TUT1: variants seen among roughly 807,000 people sequenced by gnomAD.
TUT1 encodes speckle targeted PIP5K1A-regulated poly(A) polymerase.
In TUT1, 26 loss-of-function variants were observed where a neutral mutation model predicts 48.8. The observed-to-expected ratio is 0.53, with a 90% CI of 0.39 to 0.74. The LOEUF (loss-of-function observed/expected upper bound fraction) is 0.74, where lower values mean the gene tolerates loss of function less well. Among genes scored for constraint, TUT1 ranks in the 30% least tolerant of loss-of-function variants. TUT1 has a pLI of 0.00. For missense variants in TUT1, 1,065 were observed against 1,114.8 expected, an observed-to-expected ratio of 0.96 and a Z score of 0.64; for synonymous variants, 470 against 460.8, an observed-to-expected ratio of 1.02 and a Z score of -0.26.
At chr11:62,586,149 T>C (rs918043670) in intron 2 of TUT1, among the ~76,000 whole-genome samples, 3 of 152,218 alleles carry the variant, frequency 2.0e-5, no homozygotes, top group African/African-American at 7.2e-5. Flanking sequence ...ATAAGGAGCC[T>C]GTGTCCTTGC....
At chr11:62,580,831 A>G (rs1941812839) in intron 4 of TUT1, among the ~76,000 whole-genome samples, 1 of 151,496 alleles carries the variant, frequency 6.6e-6, no homozygotes, top group African/African-American at 2.4e-5. Context: ...GCTGGTCTTG[A>G]ACTCCTGACC....
chr11:62,578,797 A>G lies in TUT1; in HGVS notation c.924T>C (p.Ala308=), dbSNP rs368651575. Residue 308 remains alanine (A), a synonymous_variant, in exon 5 of 9, where the codon GCT becomes GCC. Transcript: ENST00000476907. Reference sequence around the variant, plus strand: ...CTTCCCTGTCCTCTAGCAGTGGTGAAGCTGGAGGCAGAGACTGGGGAGAAG... The same window carrying G: ...CTTCCCTGTCCTCTAGCAGTGGTGAGGCTGGAGGCAGAGACTGGGGAGAAG... ...TLASPQSLPP[A]SPLLEDREEG... The G allele has an allele frequency of 5.6e-6, 9 of 1,613,894 alleles. No homozygotes were observed. The African/African-American group carries it at 1.1e-4, about 19-fold the overall frequency.
intron 4 of TUT1, among the ~76,000 whole-genome samples, chr11:62,579,970 T>G (rs1375801532): frequency 6.6e-6 from 1 of 151,148 alleles, no homozygotes; most frequent in Non-Finnish European, 1.5e-5. Flanking sequence ...CCCGGCCAAG[T>G]CTATTTTTTG....
At chr11:62,584,472 C>G (rs1248076914) in intron 2 of TUT1, among the ~76,000 whole-genome samples, 18 of 132,084 alleles carry the variant, frequency 1.4e-4, no homozygotes, top group African/African-American at 5.1e-4. Flanking sequence ...GATGGAGTTT[C>G]GTTCTGTCAC....
chr11:62,577,550 ACTC>A (rs1373323842), intron 5 of TUT1, among the ~76,000 whole-genome samples: 2 of 148,718 alleles, frequency 1.3e-5, no homozygotes, highest in African/African-American at 2.5e-5. Flanking sequence ...ACACCACTGC[ACTC>A]CAGCCTGGGT....
intron 5 of TUT1, among the ~76,000 whole-genome samples, chr11:62,577,986 G>A (rs1233201772): frequency 6.7e-6 from 1 of 150,308 alleles, no homozygotes; most frequent in Non-Finnish European, 1.5e-5. Flanking sequence ...GCTTGAACCT[G>A]GGAGGCAGAG....
intron 2 of TUT1, among the ~76,000 whole-genome samples, chr11:62,587,927 T>G (rs1003847041): frequency 7.9e-5 from 12 of 152,332 alleles, no homozygotes; most frequent in South Asian, 2.1e-4. Flanking sequence ...GGACAGGGTG[T>G]TCTAACCAAA....
At chr11:62,584,915 G>A (rs894362271) in intron 2 of TUT1, among the ~76,000 whole-genome samples, 7 of 151,702 alleles carry the variant, frequency 4.6e-5, no homozygotes, top group Non-Finnish European at 7.4e-5. Context: ...TCCGCCTCTC[G>A]GGTTCAAGCA....
At chr11:62,588,449 G>T (rs1941954146) in intron 2 of TUT1, among the ~76,000 whole-genome samples, 1 of 152,148 alleles carries the variant, frequency 6.6e-6, no homozygotes, top group South Asian at 2.1e-4. Context: ...AGTTGCTTGG[G>T]TGGCTAAGGT....
chr11:62,590,344 T>A (rs1047505633), intron 1 of TUT1, among the ~76,000 whole-genome samples: 1 of 152,136 alleles, frequency 6.6e-6, no homozygotes, highest in Non-Finnish European at 1.5e-5. Flanking sequence ...AACTAAAAAA[T>A]TTGCCAAGTA....
In TUT1 at chr11:62,578,694, G is replaced by A; in HGVS notation, c.1027C>T (p.Leu343=). Residue 343 remains leucine, a synonymous_variant, in exon 5 of 9, where the codon CTG becomes TTG. Coordinates refer to ENST00000476907, the MANE Select transcript of TUT1 (RefSeq NM_022830.3). ...EKAEGAAMLE[L]VGSILRGCVP... is the part of the protein sequence containing the mutation. ...CAGCCCCGGAGAATGGATCCCACCAGCTCCAGCATTGCTGCCCCCTCTGCT... is the reference window on the plus strand; with the variant it reads ...CAGCCCCGGAGAATGGATCCCACCAACTCCAGCATTGCTGCCCCCTCTGCT... 6.2e-7 allele frequency: 1 copy of A among 1,614,240 alleles called. No individual in the cohort carries two copies. Among genetic ancestry groups the A allele is most frequent in the Non-Finnish European group, 8.5e-7 (1 of 1,180,054 alleles).
chr11:62,583,714 A>AGGTTCC (rs1371635211), intron 2 of TUT1, among the ~76,000 whole-genome samples: 7 of 152,242 alleles, frequency 4.6e-5, no homozygotes, highest in African/African-American at 1.7e-4. Flanking sequence ...GTTTATAAAA[A>AGGTTCC]GGTTCCTGCT....
At chr11:62,577,104 G>T (rs1941741934) in intron 6 of TUT1, 78 bp downstream of exon 6, 14 of 1,585,948 alleles carry the variant, frequency 8.8e-6, no homozygotes, top group Non-Finnish European at 1.1e-5. Flanking sequence ...TGCCCATTCT[G>T]ACCTCCCTTC....
chr11:62,585,928 C>A (rs1470292189), intron 2 of TUT1, among the ~76,000 whole-genome samples: 1 of 152,100 alleles, frequency 6.6e-6, no homozygotes, highest in African/African-American at 2.4e-5. Context: ...CATGGAGAAA[C>A]CCCATCTCTA....
In TUT1 at chr11:62,581,437, G is replaced by A. The variant is rs761959995; in HGVS notation, c.538C>T (p.Arg180Cys). Residue 180 changes from arginine (R) to cysteine (C), a missense_variant, in exon 3 of 9, where the codon CGC (arginine) becomes TGC (cysteine). Physicochemically the swap from Arg to Cys is radical, Grantham distance 180 (BLOSUM62 -3). Transcript: ENST00000476907. ...TGCATCAGGGCCACCACTAGGCTGC[G>A]AAGCTGCCGCTCGGCCTCGGACAAC... ...RELSEAERQL[R>C]SLVVALMQEV... 1.3e-5 allele frequency: 21 copies of A among 1,613,012 alleles called. No individual in the cohort carries two copies. Among genetic ancestry groups the A allele is most frequent in the South Asian group, 1.2e-4 (11 of 91,014 alleles).
chr11:62,581,008 A>G, intron 4 of TUT1, 98 bp downstream of exon 4: 1 of 858,706 alleles, frequency 1.2e-6, no homozygotes, highest in Non-Finnish European at 1.9e-6. Flanking sequence ...TGCATTGTAG[A>G]TGAGGAACTA....
chr11:62,575,151 A>T lies in TUT1; in HGVS notation c.2568T>A (p.Pro856=), dbSNP rs1941698147. The T allele has an allele frequency of 1.3e-6, 2 of 1,597,632 alleles. No individual in the cohort carries two copies. The highest frequency in any genetic ancestry group is 4.5e-5 in the East Asian group (2 of 44,544). The part of the protein sequence containing the change: ...TPLQDPQGLF[P]DLHHFLQVFL... ...AAACCTGTAAGAAATGATGGAGATCAGGGAACAGGCCTTGGGGATCCTGGA... is the reference window on the plus strand; with the variant it reads ...AAACCTGTAAGAAATGATGGAGATCTGGGAACAGGCCTTGGGGATCCTGGA... Residue 856 remains proline (P), a synonymous_variant, in exon 9 of 9, where the codon CCT becomes CCA. Coordinates refer to ENST00000476907, the MANE Select transcript of TUT1 (RefSeq NM_022830.3).
At chr11:62,585,553 TG>T (rs1941898007) in intron 2 of TUT1, among the ~76,000 whole-genome samples, 1 of 152,190 alleles carries the variant, frequency 6.6e-6, no homozygotes, top group Non-Finnish European at 1.5e-5. Flanking sequence ...CTGTGTCAGC[TG>T]GGCGTGGTAG....
At chr11:62,577,428 TC>T in intron 5 of TUT1, 137 bp from the exon 6 acceptor site, 1 of 691,830 alleles carries the variant, frequency 1.4e-6, no homozygotes, top group South Asian at 1.7e-5. Context: ...TGCTCACTGA[TC>T]TTGTGAGACA....
Sources: gnomAD v4.1 joint callset for allele counts (sites outside exome capture counted in the v4.1 genomes callset) on GRCh38, gnomAD v4.1.1 for gene constraint, MANE v1.5 for transcripts, NCBI Gene and HGNC (gene_info 2026-07-23, HGNC 2026-07-21) for gene names.